The following KHDRBS2 variants were observed in gnomAD, a reference collection of about 807,000 sequenced individuals.
KHDRBS2 encodes the protein KH domain-containing, RNA-binding, signal transduction-associated protein 2.
In KHDRBS2, 26 loss-of-function variants were observed where a neutral mutation model predicts 44.3. The ratio of observed to expected loss-of-function variants is 0.59; its 90% CI spans 0.43 to 0.81. The LOEUF (loss-of-function observed/expected upper bound fraction) is 0.81. Among genes scored for constraint, KHDRBS2 ranks in the 40% least tolerant of loss-of-function variants. The pLI, the probability that KHDRBS2 is intolerant of heterozygous loss-of-function variation, is 0.00. For missense variants in KHDRBS2, 476 were observed against 433.1 expected, an observed-to-expected ratio of 1.10 and a Z score of -0.88; for synonymous variants, 194 against 151.1, an observed-to-expected ratio of 1.28 and a Z score of -2.08.
At chr6:61,947,379 G>C (rs544587730) in intron 4 of KHDRBS2, among the ~76,000 whole-genome samples, 1 of 152,268 alleles carries the variant, frequency 6.6e-6, no homozygotes, top group African/African-American at 2.4e-5. Context: ...AAAATGACAA[G>C]CATTTTCATA....
At chr6:62,089,834 T>A (rs1284830040) in intron 2 of KHDRBS2, among the ~76,000 whole-genome samples, 1 of 152,212 alleles carries the variant, frequency 6.6e-6, no homozygotes, top group African/African-American at 2.4e-5. Flanking sequence ...TGAAGACTAT[T>A]GTTTGTGTAA....
intron 2 of KHDRBS2, among the ~76,000 whole-genome samples, chr6:62,115,430 G>GTTAATTT (rs1213568163): frequency 1.3e-5 from 2 of 152,166 alleles, no homozygotes; most frequent in African/African-American, 4.8e-5. Flanking sequence ...GAGAGATAAA[G>GTTAATTT]TTAATTTTTC....
chr6:61,660,115 C>A, the KHDRBS2 span, among the ~76,000 whole-genome samples: 1 of 151,858 alleles, frequency 6.6e-6, no homozygotes, highest in South Asian at 2.1e-4. Context: ...GATTATGACC[C>A]TAAAACAACA....
chr6:61,562,953 A>C, the KHDRBS2 span, among the ~76,000 whole-genome samples: 2 of 152,220 alleles, frequency 1.3e-5, no homozygotes, highest in East Asian at 3.9e-4. Context: ...AAAGGGAAAG[A>C]TTTCCTTCTG....
the KHDRBS2 span, among the ~76,000 whole-genome samples, chr6:61,552,704 T>C: frequency 6.6e-6 from 1 of 152,174 alleles, no homozygotes; most frequent in Non-Finnish European, 1.5e-5. Flanking sequence ...ATTTTTAACA[T>C]AAAGGGATGT....
chr6:62,015,584 T>A (rs967355341), intron 3 of KHDRBS2, among the ~76,000 whole-genome samples: 1 of 152,102 alleles, frequency 6.6e-6, no homozygotes. Context: ...CACTGACAAT[T>A]TCCAGAGCTC....
intron 2 of KHDRBS2, among the ~76,000 whole-genome samples, chr6:62,140,767 T>C (rs1487253708): frequency 6.6e-6 from 1 of 152,096 alleles, no homozygotes. Context: ...GGCAGATCAA[T>C]GAAAAAAGGC....
At chr6:62,096,664 G>A (rs1453162876) in intron 2 of KHDRBS2, among the ~76,000 whole-genome samples, 1 of 151,484 alleles carries the variant, frequency 6.6e-6, no homozygotes, top group Non-Finnish European at 1.5e-5. Flanking sequence ...CAAAAAACCG[G>A]GTTTTCATTT....
chr6:61,545,206 G>A, the KHDRBS2 span, among the ~76,000 whole-genome samples: 2 of 152,004 alleles, frequency 1.3e-5, no homozygotes, highest in African/African-American at 4.8e-5. Flanking sequence ...AGTACTTTGG[G>A]TGGCTGAGGT....
chr6:62,182,471 C>T (rs1339885115), intron 1 of KHDRBS2, among the ~76,000 whole-genome samples: 1 of 151,118 alleles, frequency 6.6e-6, no homozygotes, highest in Non-Finnish European at 1.5e-5. Context: ...AAGTGTTTTA[C>T]CACAAAAATA....
chr6:61,776,200 G>T (rs183847431), intron 6 of KHDRBS2, among the ~76,000 whole-genome samples: 1 of 147,488 alleles, frequency 6.8e-6, no homozygotes, highest in South Asian at 2.1e-4. Context: ...AGAAGAAAAC[G>T]TAGGCATTAC....
the KHDRBS2 span, among the ~76,000 whole-genome samples, chr6:61,583,097 A>G: frequency 0.024 from 3,694 of 151,882 alleles, 69 homozygotes; most frequent in Middle Eastern, 0.086. Flanking sequence ...CATATCAAGA[A>G]TAAGAACTTT....
At chr6:61,721,603 T>G (rs1051491702) in intron 7 of KHDRBS2, among the ~76,000 whole-genome samples, 1 of 131,728 alleles carries the variant, frequency 7.6e-6, no homozygotes, top group Non-Finnish European at 1.7e-5. Flanking sequence ...TGTATAAGAA[T>G]GCTTGTGATT....
At chr6:62,197,348 G>A (rs1222599076) in intron 1 of KHDRBS2, among the ~76,000 whole-genome samples, 3 of 151,936 alleles carry the variant, frequency 2.0e-5, no homozygotes, top group Non-Finnish European at 4.4e-5. Context: ...AACCTGTATT[G>A]TACTGAGGGA....
intron 1 of KHDRBS2, among the ~76,000 whole-genome samples, chr6:62,243,791 G>A (rs1290178735): frequency 1.3e-5 from 2 of 152,068 alleles, no homozygotes; most frequent in Admixed American, 6.6e-5. Flanking sequence ...CACCAACACT[G>A]CAGAGCTGCT....
chr6:61,735,281 C>T (rs543663977), intron 6 of KHDRBS2, among the ~76,000 whole-genome samples: 8 of 151,946 alleles, frequency 5.3e-5, no homozygotes, highest in Non-Finnish European at 8.8e-5. Context: ...TTTAAGAAAC[C>T]ATTTGCAAAT....
chr6:62,262,718 C>T (rs9294830), intron 1 of KHDRBS2, among the ~76,000 whole-genome samples: 17,839 of 151,436 alleles, frequency 0.12, 1,371 homozygotes, highest in Non-Finnish European at 0.15. Context: ...ACATCTAGCA[C>T]AGTGCTTAAA....
intron 4 of KHDRBS2, among the ~76,000 whole-genome samples, chr6:61,948,392 G>T (rs1764035166): frequency 1.3e-5 from 2 of 151,902 alleles, no homozygotes; most frequent in African/African-American, 4.8e-5. Context: ...TTTAGCTGAA[G>T]AAAAACTTAG....
chr6:62,093,978 C>G (rs1054377122), intron 2 of KHDRBS2, among the ~76,000 whole-genome samples: 3 of 151,292 alleles, frequency 2.0e-5, no homozygotes, highest in Non-Finnish European at 4.4e-5. Context: ...AATAGTGCTG[C>G]AATAAACATG....
Sources: allele counts gnomAD v4.1 joint callset (sites outside exome capture counted in the v4.1 genomes callset), GRCh38; gene constraint gnomAD v4.1.1; transcripts MANE v1.5; gene names NCBI Gene and HGNC (gene_info 2026-07-23, HGNC 2026-07-21).